CTCFL: variants seen among roughly 807,000 people sequenced by gnomAD.
CTCFL encodes transcriptional repressor CTCFL.
In CTCFL, 36 loss-of-function variants were observed where a neutral mutation model predicts 67.4. The observed-to-expected ratio is 0.53, with a 90% CI of 0.41 to 0.71. The LOEUF (loss-of-function observed/expected upper bound fraction) is 0.71. Ranked by LOEUF, CTCFL falls within the 30% of genes least tolerant of loss-of-function variation. CTCFL has a pLI of 0.00. For synonymous variants in CTCFL, 324 were observed against 302.3 expected (o/e 1.07, Z -0.75); for missense variants, 786 against 835.2 (o/e 0.94, Z 0.73).
chr20:57,503,599 A>T lies in CTCFL; in HGVS notation c.1677T>A (p.Ile559=), dbSNP rs148509900. ...ACTTCTCCGAATGTCTGTGCAGGTTAATCTGTCGGAGAATTGACACAGAAC... is the reference window on the plus strand; with the variant it reads ...ACTTCTCCGAATGTCTGTGCAGGTTTATCTGTCGGAGAATTGACACAGAAC... The part of the protein sequence containing the change: ...SKCGKGFSRW[I]NLHRHSEKCG... The change falls in exon 10 of 11, where the codon ATT becomes ATA. Residue 559 remains isoleucine, a splice_region_variant and synonymous_variant. Coordinates refer to ENST00000243914, the MANE Select transcript of CTCFL (RefSeq NM_001386993.1). 5.6e-5 allele frequency: 90 copies of T among 1,613,942 alleles called. No homozygotes were observed. Among genetic ancestry groups the T allele is most frequent in the Non-Finnish European group, 7.5e-5 (89 of 1,179,980 alleles).
chr20:57,500,790 A>C (rs574649935), intron 10 of CTCFL, among the ~76,000 whole-genome samples: 204 of 152,332 alleles, frequency 1.3e-3, no homozygotes, highest in African/African-American at 4.6e-3. Context: ...AATTCACCCC[A>C]AATCATTTGG....
intron 10 of CTCFL, 83 bp from the exon 11 acceptor site, chr20:57,498,784 A>G (rs1046869677): frequency 7.7e-7 from 1 of 1,291,426 alleles, no homozygotes. Context: ...TATTTTGGAA[A>G]CCATCACTTA....
chr20:57,524,182 G>A lies in CTCFL; in HGVS notation c.24C>T (p.Val8=), dbSNP rs2146479889. The A allele has an allele frequency of 6.2e-7, 1 of 1,613,122 alleles. No homozygotes were observed. The highest frequency in any genetic ancestry group is 8.5e-7 in the Non-Finnish European group (1 of 1,179,876). The part of the protein sequence containing the change: MAATEIS[V]LSEQFTKIKE... ...TGATCTTGGTGAATTGCTCAGAAAGGACAGAGATCTCAGTGGCTGCCATAA... is the reference window on the plus strand; with the variant it reads ...TGATCTTGGTGAATTGCTCAGAAAGAACAGAGATCTCAGTGGCTGCCATAA... The change falls in exon 2 of 11, where the codon GTC becomes GTT. Residue 8 remains valine (V), a synonymous_variant. Transcript: ENST00000243914.
intron 5 of CTCFL, among the ~76,000 whole-genome samples, chr20:57,517,435 C>T (rs1403624496): frequency 1.3e-5 from 2 of 152,040 alleles, no homozygotes; most frequent in African/African-American, 4.8e-5. Flanking sequence ...TGCCACCACA[C>T]CTGGCTAATT....
intron 8 of CTCFL, 112 bp downstream of exon 8, chr20:57,512,480 A>T: frequency 9.6e-7 from 1 of 1,039,032 alleles, no homozygotes; most frequent in Non-Finnish European, 1.4e-6. Flanking sequence ...TGAATAGGCT[A>T]CTCTATTAAA....
At chr20:57,512,452 G>T in intron 8 of CTCFL, 140 bp downstream of exon 8, 1 of 796,946 alleles carries the variant, frequency 1.3e-6, no homozygotes, top group Non-Finnish European at 2.0e-6. Context: ...CTGGCTCACA[G>T]TTGCTTTCTG....
rs190118577 is a variant in CTCFL, at chr20:57,514,733, G to T, written c.1189C>A (p.Pro397Thr). ...GTGTGGCAGATGTGGCATTCGTAAG[G>T]CTTCTCACCTGAGATGCAGACAACA... Reference protein sequence around the residue: ...RHMRTHSGEKPYECHICHTRF... With the variant: ...RHMRTHSGEKTYECHICHTRF... The change falls in exon 7 of 11, where the codon CCT (proline) becomes ACT (threonine). Residue 397 changes from proline (P) to threonine (T), a missense_variant. By Grantham distance (38) the Pro-to-Thr change is conservative. Transcript: ENST00000243914. 4 of 1,614,014 alleles carry T rather than the reference G, an allele frequency of 2.5e-6. No individual in the cohort carries two copies. In the Admixed American group the frequency reaches 6.7e-5, roughly 27 times the overall value.
At chr20:57,524,394 C>CA in intron 1 of CTCFL, 178 bp from the exon 2 acceptor site, 1 of 1,430,448 alleles carries the variant, frequency 7.0e-7, no homozygotes, top group Non-Finnish European at 9.1e-7. Context: ...AGGAGGGGGT[C>CA]AAGGCTAAGC....
intron 8 of CTCFL, among the ~76,000 whole-genome samples, chr20:57,509,498 A>G (rs997687621): frequency 1.3e-5 from 2 of 152,056 alleles, no homozygotes; most frequent in African/African-American, 4.8e-5. Flanking sequence ...CCTAGCCTCA[A>G]GCAATTCTCC....
At chr20:57,520,662 A>G (rs769907444) in intron 3 of CTCFL, among the ~76,000 whole-genome samples, 6 of 152,244 alleles carry the variant, frequency 3.9e-5, no homozygotes, top group Non-Finnish European at 7.3e-5. Context: ...CAGAATGATG[A>G]AAAAAACAAC....
At chr20:57,518,944 C>G (rs572657083) in intron 4 of CTCFL, 53 bp from the exon 5 acceptor site, 1 of 1,545,842 alleles carries the variant, frequency 6.5e-7, no homozygotes, top group East Asian at 2.3e-5. Context: ...CAGAAACATT[C>G]CAAGGAATTC....
At chr20:57,515,383 G>C (rs1600666847) in intron 6 of CTCFL, 1 of 292,714 alleles carries the variant, frequency 3.4e-6, no homozygotes, top group Non-Finnish European at 6.6e-6. Context: ...GGACTCAAGG[G>C]ATCCTCCTGC....
At chr20:57,497,119 A>C (rs897194633), downstream of CTCFL, 2 of 460,740 alleles carry the variant, frequency 4.3e-6, no homozygotes, top group South Asian at 1.9e-4. Flanking sequence ...CATTCTCTCC[A>C]GACAAAGAAG....
chr20:57,508,055 G>A (rs2068315309), intron 9 of CTCFL, among the ~76,000 whole-genome samples: 1 of 151,982 alleles, frequency 6.6e-6, no homozygotes, highest in African/African-American at 2.4e-5. Context: ...TGGTCCTCCT[G>A]TCTCAGCCTC....
intron 3 of CTCFL, 96 bp downstream of exon 3, chr20:57,522,972 G>C (rs972696210): frequency 4.2e-6 from 4 of 943,798 alleles, no homozygotes. Flanking sequence ...GAAAGTAAAA[G>C]TCAACCACTT....
rs2068308363 is a variant in CTCFL at position 57,507,951 on chromosome 20, A to G, written c.1674+655T>C. ...CTATTCTTTTTTTTTTAATTAAAAA[A>G]GTTATTTTAGAGACAGGGTCTCACT... is the stretch of plus-strand genomic sequence containing the variant. On this transcript the variant is annotated intron_variant, in intron 9 of 10. Transcript: ENST00000243914. The G allele has an allele frequency of 7.8e-5, 52 of 664,560 alleles. 1 individual carries two copies. In the South Asian group the frequency reaches 8.2e-4, roughly 11 times the overall value. The allele number at this position is 664,560 out of a possible 1,614,324, so 41.2% of individuals were successfully genotyped here.
At chr20:57,501,761 T>A (rs1197125021) in intron 10 of CTCFL, among the ~76,000 whole-genome samples, 1 of 152,102 alleles carries the variant, frequency 6.6e-6, no homozygotes, top group African/African-American at 2.4e-5. Context: ...CATCTGCTGG[T>A]GCAGAGTCAG....
In CTCFL at chr20:57,498,641, G is replaced by A. The variant is rs767213641; in HGVS notation, c.1901C>T (p.Pro634Leu). The A allele has an allele frequency of 3.7e-6, 6 of 1,614,130 alleles. No individual in the cohort carries two copies. Among genetic ancestry groups the A allele is most frequent in the Non-Finnish European group, 3.4e-6 (4 of 1,179,998 alleles). ...KGEQFPGEMF[P>L]VACRETTARV... The stretch of plus-strand genomic sequence containing the variant: ...GGCTGTGGTTTCTCTGCAGGCGACA[G>A]GAAACATCTCTCCTGGGAACTGTTC... Residue 634 changes from proline to leucine, a missense_variant, in exon 11 of 11, where the codon CCT becomes CTT. This residue lies in a region of CTCFL where 199 missense variants were observed against 196.7 expected (regional missense o/e 1.01). Transcript: ENST00000243914.
intron 1 of CTCFL, chr20:57,524,515 C>G (rs979589939): frequency 1.7e-6 from 2 of 1,178,042 alleles, no homozygotes; most frequent in Admixed American, 8.7e-5. Context: ...TCCGCCTGAG[C>G]ACACTCTGGC....
Sources: allele counts gnomAD v4.1 joint callset (sites outside exome capture counted in the v4.1 genomes callset), GRCh38; gene constraint gnomAD v4.1.1; regional missense constraint gnomAD v4.1.1; transcripts MANE v1.5; gene names NCBI Gene and HGNC (gene_info 2026-07-23, HGNC 2026-07-21).